The following CPNE2 variants were observed in gnomAD, a reference collection of about 807,000 sequenced individuals.
CPNE2 encodes the protein copine 2.
A neutral mutation model predicts 69.7 loss-of-function variants in CPNE2; 42 were observed. The ratio of observed to expected loss-of-function variants is 0.60; its 90% CI spans 0.47 to 0.78. The LOEUF is 0.78. Ranked by LOEUF, CPNE2 falls within the 30% of genes least tolerant of loss-of-function variation. CPNE2 has a pLI of 0.00. For missense variants in CPNE2, 587 were observed against 732.0 expected, an observed-to-expected ratio of 0.80 and a Z score of 2.29; for synonymous variants, 294 against 289.8, an observed-to-expected ratio of 1.01 and a Z score of -0.15.
chr16:57,145,348 T>C (rs539686921), intron 14 of CPNE2, among the ~76,000 whole-genome samples: 134 of 152,300 alleles, frequency 8.8e-4, no homozygotes, highest in African/African-American at 3.2e-3. Flanking sequence ...GTGCAGTTCA[T>C]AGAATTGAAA....
intron 9 of CPNE2, among the ~76,000 whole-genome samples, chr16:57,122,048 G>A (rs1043918473): frequency 3.9e-5 from 6 of 152,270 alleles, no homozygotes; most frequent in African/African-American, 1.4e-4. Context: ...CCTGGTGGGA[G>A]AATTGTCATT....
Position 57,113,407 on chromosome 16 carries a change from G to A in CPNE2, c.300G>A (p.Lys100=). Residue 100 remains lysine, a synonymous_variant, in exon 3 of 16, where the codon AAG becomes AAA. Coordinates refer to ENST00000290776, the MANE Select transcript of CPNE2 (RefSeq NM_152727.6). The part of the protein sequence containing the change: ...KLKFALFDQD[K]SSMRLDEHDF... ...AGTTCGCGCTCTTTGACCAGGACAA[G>A]TCCAGTATGCGGCTGGACGAGCATG... The A allele has an allele frequency of 6.2e-7, 1 of 1,614,200 alleles. No individual in the cohort carries two copies. Among genetic ancestry groups the A allele is most frequent in the Non-Finnish European group, 8.5e-7 (1 of 1,180,032 alleles).
chr16:57,118,395 G>A (rs1193219782), intron 5 of CPNE2, among the ~76,000 whole-genome samples: 1 of 149,438 alleles, frequency 6.7e-6, no homozygotes, highest in Non-Finnish European at 1.5e-5. Flanking sequence ...GGATGGTCTC[G>A]ATCTCCTGAC....
chr16:57,106,648 G>T (rs2069650533), intron 1 of CPNE2, among the ~76,000 whole-genome samples: 1 of 145,792 alleles, frequency 6.9e-6, no homozygotes, highest in Non-Finnish European at 1.6e-5. Flanking sequence ...GGAGATGGTG[G>T]CCCAGGTGGC....
rs551509302 is a variant in CPNE2, at chr16:57,113,388, C to T, written c.281C>T (p.Ala94Val). Residue 94 changes from alanine to valine, a missense_variant, in exon 3 of 16, where the codon GCG (alanine) becomes GTG (valine). This residue lies in a region of CPNE2 where 34 missense variants were observed against 67.1 expected (regional missense o/e 0.51). Coordinates refer to ENST00000290776, the MANE Select transcript of CPNE2 (RefSeq NM_152727.6). ...HFEEVQKLKF[A>V]LFDQDKSSMR... is the part of the protein sequence containing the mutation. ...GAGGAGGTACAGAAGCTCAAGTTCGCGCTCTTTGACCAGGACAAGTCCAGT... is the reference window on the plus strand; with the variant it reads ...GAGGAGGTACAGAAGCTCAAGTTCGTGCTCTTTGACCAGGACAAGTCCAGT... 222 of 1,614,196 alleles carry T rather than the reference C, an allele frequency of 1.4e-4. No individual in the cohort carries two copies. The highest frequency in any genetic ancestry group is 6.1e-4 in the South Asian group (56 of 91,084).
At chr16:57,093,944 C>G (rs2069561572) in intron 1 of CPNE2, 1 of 426,100 alleles carries the variant, frequency 2.3e-6, no homozygotes, top group Non-Finnish European at 4.7e-6. Context: ...CACCTATGAC[C>G]AACAGGGAAC....
intron 1 of CPNE2, among the ~76,000 whole-genome samples, chr16:57,103,394 G>A (rs2069627793): frequency 6.6e-6 from 1 of 152,176 alleles, no homozygotes; most frequent in African/African-American, 2.4e-5. Context: ...AAAGTGTTAG[G>A]ATCATAAGCG....
At chr16:57,147,526 C>G in intron 15 of CPNE2, 25 bp from the exon 16 acceptor site, 1 of 1,504,606 alleles carries the variant, frequency 6.6e-7, no homozygotes, top group Non-Finnish European at 9.1e-7. Context: ...CTCTCTTCCC[C>G]ACCCCACCCT....
intron 12 of CPNE2, among the ~76,000 whole-genome samples, chr16:57,133,508 G>C (rs955068462): frequency 6.6e-6 from 1 of 152,072 alleles, no homozygotes; most frequent in Non-Finnish European, 1.5e-5. Context: ...TCTGGGCCTC[G>C]GTTTGTTTAT....
At chr16:57,094,934 T>G (rs1008761193) in intron 1 of CPNE2, among the ~76,000 whole-genome samples, 1 of 152,114 alleles carries the variant, frequency 6.6e-6, no homozygotes, top group Non-Finnish European at 1.5e-5. Context: ...ATTTTCTCCC[T>G]CCTGTCAGAG....
At chr16:57,125,536 GA>G (rs1279097681) in intron 10 of CPNE2, 3 of 399,974 alleles carry the variant, frequency 7.5e-6, no homozygotes, top group African/African-American at 6.2e-5. Context: ...CGAAGCTTAT[GA>G]ATAAATGCCT....
At chr16:57,132,121 G>A (rs567180191) in intron 12 of CPNE2, among the ~76,000 whole-genome samples, 3 of 152,302 alleles carry the variant, frequency 2.0e-5, no homozygotes, top group South Asian at 4.1e-4. Flanking sequence ...GCAAACAGAG[G>A]GGTCGGTTCT....
At chr16:57,116,892 G>C (rs1260113057) in intron 4 of CPNE2, among the ~76,000 whole-genome samples, 1 of 152,126 alleles carries the variant, frequency 6.6e-6, no homozygotes, top group Non-Finnish European at 1.5e-5. Context: ...GTGTTGCTGT[G>C]GGCAGCAGGG....
intron 1 of CPNE2, among the ~76,000 whole-genome samples, chr16:57,095,074 G>C (rs1248725957): frequency 6.6e-6 from 1 of 152,176 alleles, no homozygotes; most frequent in African/African-American, 2.4e-5. Flanking sequence ...TGGCACTGGG[G>C]CTACCGAATC....
rs1452808964 is a variant in CPNE2 at position 57,110,910 on chromosome 16, C to A, written c.168C>A (p.Gly56=). The A allele has an allele frequency of 6.2e-7, 1 of 1,610,712 alleles. No individual in the cohort carries two copies. Among genetic ancestry groups the A allele is most frequent in the Non-Finnish European group, 8.5e-7 (1 of 1,178,344 alleles). The change falls in exon 2 of 16, where the codon GGC becomes GGA. Residue 56 remains glycine, a synonymous_variant. Transcript: ENST00000290776. ...PFCVLFTENN[G]RWIEYDRTET... Reference sequence around the variant, plus strand: ...GTGTCCTCTTTACAGAGAACAATGGCAGATGGATCGAGGTGAGGCTCTTCC... The same window carrying A: ...GTGTCCTCTTTACAGAGAACAATGGAAGATGGATCGAGGTGAGGCTCTTCC...
chr16:57,125,234 C>T (rs1271362772), intron 10 of CPNE2: 6 of 454,724 alleles, frequency 1.3e-5, no homozygotes, highest in East Asian at 1.4e-4. Context: ...CCATCAGCCC[C>T]GAGTCCCTGT....
At chr16:57,124,082 CTTTTCTT>C in intron 10 of CPNE2, 2 of 172,508 alleles carry the variant, frequency 1.2e-5, no homozygotes, top group Non-Finnish European at 2.5e-5. Flanking sequence ...CTTTTCTTTT[CTTTTCTT>C]TTTTTTTTTT....
chr16:57,136,937 T>C (rs1444200969), intron 13 of CPNE2, among the ~76,000 whole-genome samples: 4 of 152,240 alleles, frequency 2.6e-5, no homozygotes, highest in African/African-American at 9.6e-5. Context: ...ATTCAAACTC[T>C]ACAGGCCTGT....
At chr16:57,118,082 G>A (rs56765374) in intron 5 of CPNE2, among the ~76,000 whole-genome samples, 1,681 of 151,912 alleles carry the variant, frequency 0.011, 34 homozygotes, top group African/African-American at 0.039. Context: ...CCTCCTCAAC[G>A]AGGCCTTCCC....
Sources: gnomAD v4.1 joint callset for allele counts (sites outside exome capture counted in the v4.1 genomes callset) on GRCh38, gnomAD v4.1.1 for gene constraint, gnomAD v4.1.1 regional missense constraint, MANE v1.5 for transcripts, NCBI Gene and HGNC (gene_info 2026-07-23, HGNC 2026-07-21) for gene names.